The following RHOBTB3 variants were observed in gnomAD, a reference collection of about 807,000 sequenced individuals.
RHOBTB3 encodes Rho related BTB domain containing 3, also known as rho-related BTB domain-containing protein 3.
A neutral mutation model predicts 67.2 loss-of-function variants in RHOBTB3; 47 were observed. The ratio of observed to expected loss-of-function variants is 0.70; its 90% CI spans 0.55 to 0.89. The LOEUF is 0.89. Ranked by LOEUF, RHOBTB3 falls within the 40% of genes least tolerant of loss-of-function variation. The probability of loss-of-function intolerance (pLI) is 0.00; values close to 1 mark genes in which losing one functional copy is unlikely to be tolerated. For missense variants in RHOBTB3, 631 were observed against 750.0 expected, an observed-to-expected ratio of 0.84 and a Z score of 1.85; for synonymous variants, 273 against 274.2, an observed-to-expected ratio of 1.00 and a Z score of 0.04.
intron 3 of RHOBTB3, among the ~76,000 whole-genome samples, chr5:95,740,972 A>G (rs1301975125): frequency 6.6e-6 from 1 of 152,216 alleles, no homozygotes; most frequent in Admixed American, 6.5e-5. Flanking sequence ...CCGTTATCTT[A>G]TTAAGCCTAA....
intron 2 of RHOBTB3, among the ~76,000 whole-genome samples, chr5:95,734,468 G>A (rs1298577441): frequency 6.6e-6 from 1 of 152,188 alleles, no homozygotes; most frequent in African/African-American, 2.4e-5. Context: ...GAAGAGATGT[G>A]TTGTTGTTGC....
At chr5:95,780,697 G>C (rs1287095297) in intron 9 of RHOBTB3, among the ~76,000 whole-genome samples, 2 of 152,140 alleles carry the variant, frequency 1.3e-5, no homozygotes, top group African/African-American at 4.8e-5. Context: ...ATCACTGTAG[G>C]CAACTAGAAA....
In RHOBTB3 at chr5:95,763,802, TTGTG is replaced by T. The variant is rs60736311; in HGVS notation, c.1161+207_1161+210del. Among the ~76,000 whole-genome samples the T allele has an allele frequency of 1.1e-4, 17 of 148,954 alleles. No homozygotes were observed. The East Asian group carries it at 1.2e-3, about 10-fold the overall frequency. On this transcript the variant is annotated intron_variant, in intron 7 of 11. Coordinates refer to ENST00000379982, the MANE Select transcript of RHOBTB3 (RefSeq NM_014899.4). Reference sequence around the variant, plus strand: ...AAACATGGGTTATTTGTATCTTAGATTGTGTGTGTGTGTGTGTGTGTGTGTGTGA... The same window carrying T: ...AAACATGGGTTATTTGTATCTTAGATTGTGTGTGTGTGTGTGTGTGTGTGA...
At chr5:95,726,568 T>A (rs146398592), upstream of RHOBTB3, among the ~76,000 whole-genome samples, 4 of 152,354 alleles carry the variant, frequency 2.6e-5, no homozygotes, top group East Asian at 7.7e-4. Context: ...CTTAAAACAG[T>A]GTTCTTTATA....
intron 3 of RHOBTB3, among the ~76,000 whole-genome samples, chr5:95,738,280 A>T (rs1755506109): frequency 6.6e-6 from 1 of 151,992 alleles, no homozygotes; most frequent in African/African-American, 2.4e-5. Context: ...TCTGGTCATG[A>T]TTCATAAAAG....
chr5:95,769,133 C>T, intron 8 of RHOBTB3: 2 of 367,442 alleles, frequency 5.4e-6, no homozygotes, highest in South Asian at 2.7e-5. Context: ...GACCTTTTAG[C>T]CGATGCCGTA....
chr5:95,790,632 G>C (rs1268046392), intron 11 of RHOBTB3, among the ~76,000 whole-genome samples: 2 of 152,186 alleles, frequency 1.3e-5, no homozygotes, highest in African/African-American at 4.8e-5. Flanking sequence ...TGTCGATGTT[G>C]CCTTCTGTTC....
At chr5:95,756,333 A>G (rs2112801020) in intron 6 of RHOBTB3, among the ~76,000 whole-genome samples, 1 of 152,314 alleles carries the variant, frequency 6.6e-6, no homozygotes, top group South Asian at 2.1e-4. Flanking sequence ...GGCATGTATC[A>G]GGATTTTCTT....
chr5:95,720,059 G>A lies in RHOBTB3; in HGVS notation n.133+2294G>A, dbSNP rs576839055. Among the ~76,000 whole-genome samples, 30 of 152,182 alleles carry A rather than the reference G, an allele frequency of 2.0e-4. 1 individual carries two copies. The highest frequency in any genetic ancestry group is 5.8e-4 in the African/African-American group (24 of 41,434). On this transcript the variant is annotated intron_variant and non_coding_transcript_variant, in intron 1 of 5. Transcript: ENST00000504949. ...ATAAGTTTCTACCCCTTTAATAGTC[G>A]AGAGTCTCATTACAAATGAGCAAAT...
At chr5:95,783,727 T>TG (rs1746135955) in intron 9 of RHOBTB3, 70 bp from the exon 10 acceptor site, 1 of 1,309,140 alleles carries the variant, frequency 7.6e-7, no homozygotes, top group Non-Finnish European at 1.1e-6. Context: ...TTTTTGTTGG[T>TG]GGGGGGTGTT....
At chr5:95,733,838 A>G (rs150796048) in intron 2 of RHOBTB3, among the ~76,000 whole-genome samples, 8 of 152,346 alleles carry the variant, frequency 5.3e-5, no homozygotes, top group African/African-American at 1.9e-4. Flanking sequence ...TATTTGACGT[A>G]TGTACGGAAC....
intron 11 of RHOBTB3, among the ~76,000 whole-genome samples, chr5:95,792,398 A>AG (rs948395098): frequency 7.7e-6 from 1 of 129,692 alleles, no homozygotes; most frequent in Non-Finnish European, 1.6e-5. Flanking sequence ...GAAAAAAAAA[A>AG]AAAAGAAAAG....
rs540685062 is a variant in RHOBTB3, at chr5:95,779,193, G to T, written c.1283-1059G>T. 2.0e-5 allele frequency among the ~76,000 whole-genome samples: 3 copies of T among 152,336 alleles called. No homozygotes were observed. The South Asian group carries it at 6.2e-4, about 32-fold the overall frequency. On this transcript the variant is annotated intron_variant, in intron 8 of 11. Transcript: ENST00000379982. Reference sequence around the variant, plus strand: ...ATGTGTGGGTAAACTCTTGGGCAGGGCTGAGTGGCTTGGTTTGGTTGGAGA... The same window carrying T: ...ATGTGTGGGTAAACTCTTGGGCAGGTCTGAGTGGCTTGGTTTGGTTGGAGA...
rs1174827185 is a variant in RHOBTB3, at chr5:95,763,626, T to G, written c.1161+6T>G. The G allele has an allele frequency of 1.3e-6, 2 of 1,504,960 alleles. No homozygotes were observed. The highest frequency in any genetic ancestry group is 2.8e-5 in the African/African-American group (2 of 72,664). 93.2% of individuals were successfully genotyped at this position (1,504,960 alleles called of 1,614,324 possible). A position where few individuals can be genotyped will look rare whatever the true frequency, so the allele number is the denominator to read the frequency against. ...TTTTAAAAACACCAGGAAAGGTAAG[T>G]TGATTTGTTGTAAGTTAGTTTACTT... On this transcript the variant is annotated splice_donor_region_variant and intron_variant, in intron 7 of 11. Transcript: ENST00000379982.
Position 95,788,625 on chromosome 5 carries a change from A to G in RHOBTB3, c.1624-137A>G, listed in dbSNP as rs1746288693. The G allele has an allele frequency of 1.1e-5, 7 of 613,058 alleles. No individual in the cohort carries two copies. The South Asian group carries it at 1.4e-4, about 13-fold the overall frequency. 38.0% of individuals were successfully genotyped at this position (613,058 alleles called of 1,614,324 possible). A position where few individuals can be genotyped will look rare whatever the true frequency, so the allele number is the denominator to read the frequency against. On this transcript the variant is annotated intron_variant, in intron 10 of 11. Transcript: ENST00000379982. ...CTCATCCTGTCTGCTGTCACAGTAT[A>G]CTGAAAGCTGCATCAGGTAAAGGCA...
intron 2 of RHOBTB3, among the ~76,000 whole-genome samples, chr5:95,734,304 A>T (rs993974685): frequency 1.7e-4 from 25 of 150,848 alleles, no homozygotes; most frequent in East Asian, 7.7e-4. Context: ...TTTTTTTTTT[A>T]AAAGATGAGT....
intron 6 of RHOBTB3, among the ~76,000 whole-genome samples, chr5:95,757,133 T>C (rs189129624): frequency 1.2e-3 from 188 of 152,332 alleles, no homozygotes; most frequent in Non-Finnish European, 5.0e-4. Context: ...GTGCCCTTTC[T>C]TTTTAAGATT....
At chr5:95,764,780 G>A (rs2112810685) in intron 7 of RHOBTB3, among the ~76,000 whole-genome samples, 1 of 152,152 alleles carries the variant, frequency 6.6e-6, no homozygotes, top group South Asian at 2.1e-4. Flanking sequence ...AAATGAAACT[G>A]TACTAGCTTT....
At chr5:95,742,663 C>T (rs1363081480) in intron 3 of RHOBTB3, among the ~76,000 whole-genome samples, 1 of 152,200 alleles carries the variant, frequency 6.6e-6, no homozygotes, top group Admixed American at 6.5e-5. Flanking sequence ...TCTGCTGGGT[C>T]TGTTCTGCTA....
Sources: gnomAD v4.1 joint callset for allele counts (sites outside exome capture counted in the v4.1 genomes callset) on GRCh38, gnomAD v4.1.1 for gene constraint, MANE v1.5 for transcripts, NCBI Gene and HGNC (gene_info 2026-07-23, HGNC 2026-07-21) for gene names.